Variants in NRG1 observed in about 807,000 individuals in gnomAD.
The protein encoded by NRG1 is neuregulin 1, also known as pro-neuregulin-1, membrane-bound isoform.
In NRG1, 18 loss-of-function variants were observed where a neutral mutation model predicts 63.8. That is an observed-to-expected ratio of 0.28 (90% CI 0.19 to 0.42). The LOEUF is 0.42. Among genes scored for constraint, NRG1 ranks in the 10% least tolerant of loss-of-function variants. The probability of loss-of-function intolerance (pLI) is 1.00; values close to 1 mark genes in which losing one functional copy is unlikely to be tolerated. For missense variants in NRG1, 762 were observed against 814.7 expected (o/e 0.94, Z 0.79); for synonymous variants, 302 against 301.3 (o/e 1.00, Z -0.02).
chr8:32,442,899 G>A (rs1408934279), intron 1 of NRG1, among the ~76,000 whole-genome samples: 1 of 151,910 alleles, frequency 6.6e-6, no homozygotes, highest in East Asian at 1.9e-4. Flanking sequence ...AGAAGTGTTG[G>A]ATACAACAAC....
intron 1 of NRG1, among the ~76,000 whole-genome samples, chr8:32,312,768 C>T (rs921715436): frequency 1.4e-5 from 2 of 140,114 alleles, no homozygotes; most frequent in African/African-American, 5.0e-5. Flanking sequence ...AAACTTCCCT[C>T]CCTCCCTCTC....
chr8:31,971,935 G>A (rs760695847), intron 1 of NRG1, among the ~76,000 whole-genome samples: 2 of 152,072 alleles, frequency 1.3e-5, no homozygotes, highest in African/African-American at 2.4e-5. Context: ...CTTGTAGATG[G>A]TTAACAAATA....
chr8:32,384,982 G>A (rs13276181), intron 1 of NRG1, among the ~76,000 whole-genome samples: 52,070 of 152,046 alleles, frequency 0.34, 9,408 homozygotes, highest in Middle Eastern at 0.43. Flanking sequence ...TTATTCTAGG[G>A]GAAACCATTT....
chr8:32,609,981 T>C (rs1475753899), intron 3 of NRG1, among the ~76,000 whole-genome samples: 1 of 151,960 alleles, frequency 6.6e-6, no homozygotes, highest in East Asian at 1.9e-4. Context: ...AAGAATTTAT[T>C]GTTTCATTGT....
At chr8:32,415,290 C>T (rs192458345) in intron 1 of NRG1, among the ~76,000 whole-genome samples, 79 of 151,196 alleles carry the variant, frequency 5.2e-4, no homozygotes, top group African/African-American at 1.8e-3. Context: ...TGCCTGTAGT[C>T]CCAGCTACTT....
intron 11 of NRG1, chr8:32,761,082 T>C (rs897584931): frequency 5.4e-5 from 38 of 699,326 alleles, no homozygotes; most frequent in Non-Finnish European, 6.3e-5. Flanking sequence ...TTTGGGGAGA[T>C]TGGGTTGGGT....
At chr8:32,399,186 T>C (rs1255577665) in intron 1 of NRG1, among the ~76,000 whole-genome samples, 1 of 152,190 alleles carries the variant, frequency 6.6e-6, no homozygotes, top group Non-Finnish European at 1.5e-5. Flanking sequence ...GGAAGGTTCA[T>C]TAGCATGTGA....
chr8:32,297,475 CA>C (rs1020425894), intron 1 of NRG1, among the ~76,000 whole-genome samples: 23 of 151,766 alleles, frequency 1.5e-4, no homozygotes, highest in African/African-American at 5.6e-4. Context: ...TAGGTAGCAA[CA>C]AGGTATTGGG....
chr8:32,146,017 T>G (rs534091598), intron 1 of NRG1, among the ~76,000 whole-genome samples: 44 of 152,122 alleles, frequency 2.9e-4, no homozygotes, highest in African/African-American at 1.0e-3. Context: ...GCAGCTAGAG[T>G]CTAATAATTT....
At chr8:32,415,070 G>A (rs1815670762) in intron 1 of NRG1, among the ~76,000 whole-genome samples, 1 of 152,088 alleles carries the variant, frequency 6.6e-6, no homozygotes, top group Non-Finnish European at 1.5e-5. Flanking sequence ...CACTTTATTA[G>A]ATCTATTTTC....
intron 1 of NRG1, among the ~76,000 whole-genome samples, chr8:31,995,107 T>C (rs939918261): frequency 6.6e-6 from 1 of 151,978 alleles, no homozygotes; most frequent in African/African-American, 2.4e-5. Context: ...GGGACTATCT[T>C]ACTTTATATC....
chr8:31,925,699 C>G (rs1275023319), intron 1 of NRG1, among the ~76,000 whole-genome samples: 1 of 71,604 alleles, frequency 1.4e-5, no homozygotes, highest in Non-Finnish European at 4.3e-5. Flanking sequence ...GACCTATTTT[C>G]TTATTAATTA....
chr8:32,027,321 T>C (rs1342512783), intron 1 of NRG1, among the ~76,000 whole-genome samples: 1 of 152,172 alleles, frequency 6.6e-6, no homozygotes, highest in Non-Finnish European at 1.5e-5. Flanking sequence ...AATTTATTTG[T>C]TGCTTATATG....
At chr8:31,831,253 C>T (rs1450341615) in intron 1 of NRG1, among the ~76,000 whole-genome samples, 1 of 152,022 alleles carries the variant, frequency 6.6e-6, no homozygotes, top group Non-Finnish European at 1.5e-5. Flanking sequence ...AGGCACACAC[C>T]ACCATGCCCG....
In NRG1 at chr8:31,640,636, C is replaced by A. The variant is rs370450891; in HGVS notation, c.37+1205C>A. On this transcript the variant is annotated intron_variant, in intron 1 of 10. Transcript: ENST00000519301. This position sits in a 1 kb window ranked among gnomAD's most constrained non-coding sequence, Gnocchi z 6.3. ...GGAGCCCGACGCCAACAGCACCAGC[C>A]GCGCGCCGGCCGCCTTCCGAGCCTC... 7.5e-6 allele frequency: 12 copies of A among 1,609,524 alleles called. No homozygotes were observed. In the African/African-American group the frequency reaches 1.2e-4, roughly 16 times the overall value.
rs1483952084 is a variant in NRG1, at chr8:32,050,585, C to T, written c.37+411154C>T. 5.9e-5 allele frequency among the ~76,000 whole-genome samples: 9 copies of T among 152,156 alleles called. No homozygotes were observed. The East Asian group carries it at 1.5e-3, about 26-fold the overall frequency. ...ACAGACAGCTTCTTGTGAATACCCC[C>T]TCCACACATACCCAACCATACATAG... On this transcript the variant is annotated intron_variant, in intron 1 of 10. Coordinates refer to the NRG1 transcript ENST00000519301.
intron 1 of NRG1, among the ~76,000 whole-genome samples, chr8:31,999,807 A>G (rs1032190975): frequency 6.6e-6 from 1 of 152,026 alleles, no homozygotes; most frequent in African/African-American, 2.4e-5. Context: ...TAATTATAAT[A>G]TAGGAAAATT....
At chr8:31,652,892 C>G (rs1235985065) in intron 1 of NRG1, among the ~76,000 whole-genome samples, 2 of 150,536 alleles carry the variant, frequency 1.3e-5, no homozygotes, top group Admixed American at 6.6e-5. Context: ...GTCTCCCTTT[C>G]CTTTCTTCCC....
intron 1 of NRG1, among the ~76,000 whole-genome samples, chr8:32,352,062 A>G (rs1805675092): frequency 6.6e-6 from 1 of 151,680 alleles, no homozygotes; most frequent in Non-Finnish European, 1.5e-5. Flanking sequence ...CAATCTCTAT[A>G]ATTGTATAAA....
Sources: allele counts gnomAD v4.1 joint callset (sites outside exome capture counted in the v4.1 genomes callset), GRCh38; gene constraint gnomAD v4.1.1; non-coding constraint Gnocchi (gnomAD v3.1); transcripts MANE v1.5; gene names NCBI Gene and HGNC (gene_info 2026-07-23, HGNC 2026-07-21).